The following EIF3H variants were observed in gnomAD, a reference collection of about 807,000 sequenced individuals.
EIF3H encodes the protein eukaryotic translation initiation factor 3 subunit H.
Under a neutral mutation model 44.2 loss-of-function variants are expected in EIF3H, and 26 were observed. That is an observed-to-expected ratio of 0.59 (90% CI 0.43 to 0.82). EIF3H has a LOEUF of 0.82. Among genes scored for constraint, EIF3H ranks in the 40% least tolerant of loss-of-function variants. The pLI is 0.00. For synonymous variants in EIF3H, 166 were observed against 151.9 expected, an observed-to-expected ratio of 1.09 and a Z score of -0.68; for missense variants, 359 against 432.8, an observed-to-expected ratio of 0.83 and a Z score of 1.51.
At chr8:116,673,898 G>A (rs770499142) in intron 2 of EIF3H, among the ~76,000 whole-genome samples, 6 of 151,686 alleles carry the variant, frequency 4.0e-5, no homozygotes, top group African/African-American at 7.3e-5. Flanking sequence ...GTGAAACCCC[G>A]TCGCTACTAA....
chr8:116,658,661 C>T, intron 3 of EIF3H, 152 bp downstream of exon 3: 2 of 667,384 alleles, frequency 3.0e-6, no homozygotes, highest in East Asian at 2.9e-5. Flanking sequence ...GAAACCCTGT[C>T]TAGACTGAGC....
chr8:116,712,808 A>C lies in EIF3H; in HGVS notation c.289+13208T>G, dbSNP rs575218892. ...ATAGCACTCTTTTAGGATGAAGAGC[A>C]GTTTGGAAAACTCAGTATTAGCACC... On this transcript the variant is annotated intron_variant, in intron 2 of 7. Coordinates refer to ENST00000521861, the MANE Select transcript of EIF3H (RefSeq NM_003756.3). 1.2e-4 allele frequency among the ~76,000 whole-genome samples: 19 copies of C among 152,244 alleles called. No homozygotes were observed. In the South Asian group the frequency reaches 2.7e-3, roughly 22 times the overall value.
rs767166377 is a variant in EIF3H at position 116,695,067 on chromosome 8, C to CTTT, written c.289+30946_289+30948dup. On this transcript the variant is annotated intron_variant, in intron 2 of 7. Transcript: ENST00000521861. ...AAAAACTAAGGTAAACTTCCTAATT[C>CTTT]TTTTTTTTTTTTTTTTTTTGAGACA... Among the ~76,000 whole-genome samples the CTTT allele has an allele frequency of 1.1e-3, 147 of 133,552 alleles. 4 individuals carry two copies. Among genetic ancestry groups the CTTT allele is most frequent in the African/African-American group, 3.9e-3 (139 of 35,806 alleles). 87.6% of individuals were successfully genotyped at this position (133,552 alleles called of 152,430 possible).
chr8:116,725,842 G>T (rs1400470926), intron 2 of EIF3H, among the ~76,000 whole-genome samples, 174 bp downstream of exon 2: 1 of 152,174 alleles, frequency 6.6e-6, no homozygotes, highest in Non-Finnish European at 1.5e-5. Flanking sequence ...GATGTCTATA[G>T]TATAAACCCT....
intron 1 of EIF3H, among the ~76,000 whole-genome samples, chr8:116,744,237 A>G (rs1010927116): frequency 6.6e-6 from 1 of 150,866 alleles, no homozygotes; most frequent in African/African-American, 2.4e-5. Flanking sequence ...AACAAACAGT[A>G]AGCCTCAAGA....
chr8:116,701,878 G>A (rs7832540), intron 2 of EIF3H, among the ~76,000 whole-genome samples: 26,308 of 152,074 alleles, frequency 0.17, 3,391 homozygotes, highest in African/African-American at 0.36. Context: ...AAGAAAACTG[G>A]AGAAATCTGA....
At chr8:116,699,074 G>A (rs1036678985) in intron 2 of EIF3H, among the ~76,000 whole-genome samples, 5 of 151,926 alleles carry the variant, frequency 3.3e-5, no homozygotes, top group East Asian at 1.9e-4. Flanking sequence ...GCTTGAGCCC[G>A]GGAGGCGGAG....
chr8:116,656,578 C>T (rs188277123), intron 4 of EIF3H, among the ~76,000 whole-genome samples: 4 of 151,994 alleles, frequency 2.6e-5, no homozygotes, highest in Admixed American at 6.6e-5. Context: ...TTTTTAGGAG[C>T]CAAATGGGAA....
chr8:116,732,874 C>T (rs914447263), intron 1 of EIF3H, among the ~76,000 whole-genome samples: 3 of 152,176 alleles, frequency 2.0e-5, no homozygotes, highest in South Asian at 2.1e-4. Flanking sequence ...TTCTATACCA[C>T]GTAATTCTTC....
chr8:116,737,080 A>G (rs980211207), intron 1 of EIF3H, among the ~76,000 whole-genome samples: 9 of 152,190 alleles, frequency 5.9e-5, no homozygotes, highest in Non-Finnish European at 1.2e-4. Flanking sequence ...AAATGTTAAA[A>G]TATTTACCAT....
chr8:116,672,390 C>A (rs1563638475), intron 2 of EIF3H, among the ~76,000 whole-genome samples: 1 of 152,178 alleles, frequency 6.6e-6, no homozygotes, highest in Admixed American at 6.5e-5. Flanking sequence ...CTTTGGAAGG[C>A]TAAGGCGGGA....
chr8:116,696,850 T>C (rs1814276368), intron 2 of EIF3H, among the ~76,000 whole-genome samples: 2 of 152,158 alleles, frequency 1.3e-5, no homozygotes, highest in Non-Finnish European at 1.5e-5. Flanking sequence ...ACAAAACATA[T>C]GAGGCAGAAC....
upstream of EIF3H, among the ~76,000 whole-genome samples, chr8:116,760,756 T>C (rs1815510683): frequency 6.6e-6 from 1 of 152,260 alleles, no homozygotes; most frequent in Non-Finnish European, 1.5e-5. Flanking sequence ...GTTTAATTTC[T>C]TGCCACCAGG....
rs777104976 is a variant in EIF3H at position 116,755,719 on chromosome 8, C to T, written c.79G>A (p.Gly27Ser). Reference sequence around the variant, plus strand: ...GCTGAATCTCCCGAGCCGCCTTTGCCTTTGCCTTTCCCTGCTGCGCCGGCG... The same window carrying T: ...GCTGAATCTCCCGAGCCGCCTTTGCTTTTGCCTTTCCCTGCTGCGCCGGCG... ...STAGAAGKGK[G>S]KGGSGDSAVK... The change falls in exon 1 of 8, where the codon GGC becomes AGC. Residue 27 changes from glycine to serine, a missense_variant. Coordinates refer to ENST00000521861, the MANE Select transcript of EIF3H (RefSeq NM_003756.3). The T allele has an allele frequency of 1.9e-6, 3 of 1,614,096 alleles. No homozygotes were observed. The highest frequency in any genetic ancestry group is 1.7e-6 in the Non-Finnish European group (2 of 1,180,040).
At chr8:116,668,328 T>C (rs575423974) in intron 2 of EIF3H, among the ~76,000 whole-genome samples, 1 of 152,332 alleles carries the variant, frequency 6.6e-6, no homozygotes, top group Non-Finnish European at 1.5e-5. Flanking sequence ...GAAAGAAATA[T>C]GCTAAAATGG....
In EIF3H at chr8:116,705,494, C is replaced by T. The variant is rs371243397; in HGVS notation, c.289+20522G>A. ...TGCCATGTGGGTAACATGTTACACC[C>T]CCCCCCACCACCAACACCCCAGGAG... On this transcript the variant is annotated intron_variant, in intron 2 of 7. Transcript: ENST00000521861. Among the ~76,000 whole-genome samples, 830 of 126,148 alleles carry T rather than the reference C, an allele frequency of 6.6e-3. 12 individuals carry two copies. Among genetic ancestry groups the T allele is most frequent in the African/African-American group, 0.03 (782 of 26,182 alleles). The allele number at this position is 126,148 out of a possible 152,430, so 82.8% of individuals were successfully genotyped here.
At chr8:116,714,864 T>A (rs1304333341) in intron 2 of EIF3H, among the ~76,000 whole-genome samples, 1 of 152,058 alleles carries the variant, frequency 6.6e-6, no homozygotes, top group Non-Finnish European at 1.5e-5. Flanking sequence ...AAAAGCTTTC[T>A]CTGTCCAAAT....
At chr8:116,684,825 T>A (rs1219417693) in intron 2 of EIF3H, among the ~76,000 whole-genome samples, 1 of 152,194 alleles carries the variant, frequency 6.6e-6, no homozygotes, top group Non-Finnish European at 1.5e-5. Context: ...ATTAGGAATA[T>A]CCACAATTTG....
At chr8:116,675,790 T>C (rs1487289145) in intron 2 of EIF3H, among the ~76,000 whole-genome samples, 1 of 152,198 alleles carries the variant, frequency 6.6e-6, no homozygotes, top group African/African-American at 2.4e-5. Flanking sequence ...ACCCTATTAA[T>C]TGAATATTAT....
Sources: gnomAD v4.1 joint callset for allele counts (sites outside exome capture counted in the v4.1 genomes callset) on GRCh38, gnomAD v4.1.1 for gene constraint, MANE v1.5 for transcripts, NCBI Gene and HGNC (gene_info 2026-07-23, HGNC 2026-07-21) for gene names.